The following AK8 variants were observed in gnomAD, a reference collection of about 807,000 sequenced individuals.
AK8 encodes ATP-AMP transphosphorylase 8.
AK8 carries 44 observed loss-of-function variants against 54.6 expected under a neutral mutation model. That is an observed-to-expected ratio of 0.81 (90% CI 0.63 to 1.04). The LOEUF (loss-of-function observed/expected upper bound fraction) is 1.04, where lower values mean the gene tolerates loss of function less well. AK8 is among the 50% of genes least tolerant of loss of function. The pLI is 0.00. For synonymous variants in AK8, 239 were observed against 245.6 expected (o/e 0.97, Z 0.25); for missense variants, 555 against 613.6 (o/e 0.90, Z 1.01).
chr9:132,778,020 C>T (rs1054758371), intron 11 of AK8, among the ~76,000 whole-genome samples: 2 of 152,242 alleles, frequency 1.3e-5, no homozygotes, highest in African/African-American at 2.4e-5. Flanking sequence ...TGCTGCATCA[C>T]GGCCCATGCG....
chr9:132,784,424 C>T (rs1839604989), intron 11 of AK8, among the ~76,000 whole-genome samples: 1 of 152,094 alleles, frequency 6.6e-6, no homozygotes, highest in South Asian at 2.1e-4. Flanking sequence ...GAGGCTGAGG[C>T]AGGAGAATCG....
At chr9:132,812,552 G>GCCA (rs1841099817) in intron 10 of AK8, among the ~76,000 whole-genome samples, 1 of 152,264 alleles carries the variant, frequency 6.6e-6, no homozygotes, top group African/African-American at 2.4e-5. Flanking sequence ...TGACGGGTGA[G>GCCA]CCGCCGCGCC....
rs1841728942 is a variant in AK8, at chr9:132,823,263, C to T, written c.831G>A (p.Val277=). 6.2e-7 allele frequency: 1 copy of T among 1,610,564 alleles called. No homozygotes were observed. Among genetic ancestry groups the T allele is most frequent in the East Asian group, 2.2e-5 (1 of 44,644 alleles). ...CGGCCTGCAGACTTTTCCCACTGCC[C>T]ACAGGCCCGAGCAGCAGCACCCTCG... is the stretch of plus-strand genomic sequence containing the variant. ...FTPRVLLLGP[V]GSGKSLQAAL... is the part of the protein sequence containing the mutation. Residue 277 remains valine (V), a synonymous_variant, in exon 9 of 13, where the codon GTG becomes GTA. Coordinates refer to ENST00000298545, the MANE Select transcript of AK8 (RefSeq NM_152572.3).
rs1221395089 is a variant in AK8 at position 132,865,972 on chromosome 9, C to T, written c.219+932G>A. 4.6e-5 allele frequency among the ~76,000 whole-genome samples: 7 copies of T among 152,012 alleles called. No homozygotes were observed. In the South Asian group the frequency reaches 6.2e-4, roughly 14 times the overall value. On this transcript the variant is annotated intron_variant, in intron 3 of 12. Transcript: ENST00000298545. ...CAGCTCTTTGGGAGGCTGAGGTAGG[C>T]GGATCACCTGAGGTCAGGAGTCCAA...
chr9:132,744,949 G>A (rs114016513), intron 11 of AK8, among the ~76,000 whole-genome samples: 2,317 of 152,258 alleles, frequency 0.015, 45 homozygotes, highest in African/African-American at 0.053. Flanking sequence ...ATATGAATCC[G>A]CCAGTCACTT....
Position 132,826,826 on chromosome 9 carries a change from C to T in AK8, c.757+28G>A, listed in dbSNP as rs767844685. 3 of 1,610,520 alleles carry T rather than the reference C, an allele frequency of 1.9e-6. No individual in the cohort carries two copies. The highest frequency in any genetic ancestry group is 2.5e-6 in the Non-Finnish European group (3 of 1,176,862). ...CGAGCCCCGCCCTTGGCCGTCTGTC[C>T]AGGGTGGGGCTGCCTGCTTGTGTTT... On this transcript the variant is annotated intron_variant, in intron 8 of 12. Coordinates refer to ENST00000298545, the MANE Select transcript of AK8 (RefSeq NM_152572.3). The surrounding 1 kb of genome is among the most constrained non-coding windows in gnomAD (Gnocchi z 4.5).
intron 10 of AK8, among the ~76,000 whole-genome samples, chr9:132,795,767 C>T (rs1411545768): frequency 6.6e-6 from 1 of 152,122 alleles, no homozygotes; most frequent in African/African-American, 2.4e-5. Context: ...ATAACCATTT[C>T]TAAGAGTCAT....
At chr9:132,836,124 A>C (rs994172875) in intron 5 of AK8, among the ~76,000 whole-genome samples, 2 of 150,820 alleles carry the variant, frequency 1.3e-5, no homozygotes, top group African/African-American at 2.4e-5. Flanking sequence ...ACTCCATCTC[A>C]AAAAAAAACA....
chr9:132,729,870 C>T (rs1190462063), intron 11 of AK8, among the ~76,000 whole-genome samples: 19 of 152,336 alleles, frequency 1.2e-4, no homozygotes. Context: ...AGGCCAGAAG[C>T]ACCTCTACGT....
intron 11 of AK8, among the ~76,000 whole-genome samples, chr9:132,744,462 G>T (rs1031577031): frequency 6.6e-6 from 1 of 150,470 alleles, no homozygotes; most frequent in African/African-American, 2.4e-5. Context: ...AAATAAAAAG[G>T]CAAGGAGGTC....
chr9:132,834,053 T>C (rs918205512), intron 5 of AK8, among the ~76,000 whole-genome samples: 6 of 152,236 alleles, frequency 3.9e-5, no homozygotes, highest in African/African-American at 1.4e-4. Flanking sequence ...TGGAGCTGCA[T>C]GCTCAATCTC....
chr9:132,848,430 A>G (rs1719463222), intron 5 of AK8, among the ~76,000 whole-genome samples: 1 of 152,092 alleles, frequency 6.6e-6, no homozygotes, highest in African/African-American at 2.4e-5. Context: ...AGTTCCCGTG[A>G]GGTTGGTTTG....
chr9:132,764,346 A>G (rs57243726), intron 11 of AK8, among the ~76,000 whole-genome samples: 8,534 of 152,188 alleles, frequency 0.056, 801 homozygotes, highest in African/African-American at 0.19. Context: ...CAAAAAAACA[A>G]GATCAGGGCA....
Position 132,781,483 on chromosome 9 carries a change from T to C in AK8, c.1121+11151A>G, listed in dbSNP as rs1383647849. 1.3e-5 allele frequency among the ~76,000 whole-genome samples: 2 copies of C among 152,300 alleles called. No homozygotes were observed. Among genetic ancestry groups the C allele is most frequent in the African/African-American group, 2.4e-5 (1 of 41,580 alleles). On this transcript the variant is annotated intron_variant, in intron 11 of 12. Transcript: ENST00000298545. This position sits in a 1 kb window ranked among gnomAD's most constrained non-coding sequence, Gnocchi z 4.6. ...TTTTCTGATAAGCCAAAGAGGTCTA[T>C]TTTTGTGTCCAATACACTGAGTAGC...
intron 10 of AK8, among the ~76,000 whole-genome samples, chr9:132,808,087 GA>G (rs1256937726): frequency 6.6e-6 from 1 of 152,134 alleles, no homozygotes; most frequent in Non-Finnish European, 1.5e-5. Context: ...AAATGATACA[GA>G]AACAGCTGAG....
rs914345965 is a variant in AK8 at position 132,799,731 on chromosome 9, C to T, written c.980-6956G>A. ...ATTACACAAACACATCTAGCAAACACACCTACATACCTACACCGCACCCAC... is the reference window on the plus strand; with the variant it reads ...ATTACACAAACACATCTAGCAAACATACCTACATACCTACACCGCACCCAC... On this transcript the variant is annotated intron_variant, in intron 10 of 12. Coordinates refer to ENST00000298545, the MANE Select transcript of AK8 (RefSeq NM_152572.3). This position sits in a 1 kb window ranked among gnomAD's most constrained non-coding sequence, Gnocchi z 5.0. Among the ~76,000 whole-genome samples, 2 of 152,126 alleles carry T rather than the reference C, an allele frequency of 1.3e-5. No homozygotes were observed. Among genetic ancestry groups the T allele is most frequent in the African/African-American group, 4.8e-5 (2 of 41,406 alleles).
chr9:132,794,157 T>C (rs1020082589), intron 10 of AK8, among the ~76,000 whole-genome samples: 24 of 152,188 alleles, frequency 1.6e-4, no homozygotes. Context: ...CAGCCTTTCT[T>C]CCCCAGTCCC....
intron 11 of AK8, among the ~76,000 whole-genome samples, chr9:132,744,019 A>C (rs1286785740): frequency 6.6e-6 from 1 of 152,202 alleles, no homozygotes; most frequent in Admixed American, 6.5e-5. Flanking sequence ...GCCGGAACTC[A>C]AGCCAGCTAG....
chr9:132,726,385 G>A (rs1302033386), intron 12 of AK8, among the ~76,000 whole-genome samples: 2 of 150,834 alleles, frequency 1.3e-5, no homozygotes, highest in Non-Finnish European at 2.9e-5. Context: ...CGCGATCTTC[G>A]CTCACCACAA....
Sources: gnomAD v4.1 joint callset for allele counts (sites outside exome capture counted in the v4.1 genomes callset) on GRCh38, gnomAD v4.1.1 for gene constraint, Gnocchi (gnomAD v3.1) non-coding constraint, MANE v1.5 for transcripts, NCBI Gene and HGNC (gene_info 2026-07-23, HGNC 2026-07-21) for gene names.